The following BARD1 variants were observed in gnomAD, a reference collection of about 807,000 sequenced individuals.
BARD1 encodes BRCA1 associated RING domain 1, also known as BRCA1-associated RING domain protein 1.
Under a neutral mutation model 77.0 loss-of-function variants are expected in BARD1, and 73 were observed. The ratio of observed to expected loss-of-function variants is 0.95; its 90% CI spans 0.79 to 1.15. BARD1 has a LOEUF of 1.15. BARD1 is among the 50% of genes most tolerant of loss of function. BARD1 has a pLI of 0.00. For missense variants in BARD1, 993 were observed against 938.8 expected, an observed-to-expected ratio of 1.06 and a Z score of -0.75; for synonymous variants, 384 against 338.0, an observed-to-expected ratio of 1.14 and a Z score of -1.49.
chr2:214,780,015 A>C (rs1694906110), intron 4 of BARD1, among the ~76,000 whole-genome samples: 1 of 152,214 alleles, frequency 6.6e-6, no homozygotes, highest in African/African-American at 2.4e-5. Flanking sequence ...ATGAACGTCA[A>C]TGAACAGGTC....
rs545780492 is a variant in BARD1, at chr2:214,740,281, G to T, written c.1903+4786C>A. Among the ~76,000 whole-genome samples, 3 of 152,098 alleles carry T rather than the reference G, an allele frequency of 2.0e-5. No homozygotes were observed. The South Asian group carries it at 6.2e-4, about 32-fold the overall frequency. ...AAAGACCTGTTGTATCAGATGGGAG[G>T]AATAAATACATGCAGGTTCTAATTT... On this transcript the variant is annotated intron_variant, in intron 9 of 10. Transcript: ENST00000260947.
intron 4 of BARD1, among the ~76,000 whole-genome samples, chr2:214,770,794 C>T (rs930094402): frequency 6.6e-6 from 1 of 152,136 alleles, no homozygotes; most frequent in Non-Finnish European, 1.5e-5. Context: ...CAAAGGAGTT[C>T]TGGGGAACTG....
chr2:214,733,920 A>T (rs780829489), intron 9 of BARD1, among the ~76,000 whole-genome samples: 16 of 152,210 alleles, frequency 1.1e-4, no homozygotes, highest in Non-Finnish European at 1.9e-4. Flanking sequence ...AAAAAGGTTA[A>T]TAGCTTATAC....
At chr2:214,809,302 T>C in intron 1 of BARD1, 110 bp downstream of exon 1, 1 of 1,485,630 alleles carries the variant, frequency 6.7e-7, no homozygotes, top group Non-Finnish European at 9.1e-7. Context: ...CCGACCCGAC[T>C]GCAGCGCGGG....
chr2:214,745,174 A>G lies in BARD1; in HGVS notation c.1811-15T>C. On this transcript the variant is annotated splice_polypyrimidine_tract_variant and intron_variant, in intron 8 of 10. Transcript: ENST00000260947. ...AACATGAGTTACTAAAATACAAAAAAAGCAGTAAGAGAAAGAAAGATACAA... is the reference window on the plus strand; with the variant it reads ...AACATGAGTTACTAAAATACAAAAAGAGCAGTAAGAGAAAGAAAGATACAA... The G allele has an allele frequency of 6.2e-7, 1 of 1,605,442 alleles. No individual in the cohort carries two copies. The highest frequency in any genetic ancestry group is 8.5e-7 in the Non-Finnish European group (1 of 1,172,204).
At chr2:214,771,532 A>G (rs1056106796) in intron 4 of BARD1, among the ~76,000 whole-genome samples, 2 of 152,060 alleles carry the variant, frequency 1.3e-5, no homozygotes, top group Admixed American at 6.6e-5. Flanking sequence ...GTTTGAGATC[A>G]GCCTAGCCAA....
intron 4 of BARD1, among the ~76,000 whole-genome samples, chr2:214,774,476 G>A (rs530059376): frequency 6.6e-6 from 1 of 152,280 alleles, no homozygotes; most frequent in South Asian, 2.1e-4. Context: ...CAGAACACTT[G>A]GGTGACTAGG....
intron 9 of BARD1, among the ~76,000 whole-genome samples, chr2:214,744,556 G>A (rs182372189): frequency 6.6e-6 from 1 of 152,102 alleles, no homozygotes; most frequent in South Asian, 2.1e-4. Context: ...TAGGAAAAAA[G>A]ACTTTAAAAC....
At position 214,744,153 on chromosome 2, in the gene BARD1, G is replaced by A. The variant is rs148073423; in HGVS notation, c.1903+914C>T. Among the ~76,000 whole-genome samples the A allele has an allele frequency of 7.8e-3, 1,195 of 152,244 alleles. 13 individuals carry two copies. The highest frequency in any genetic ancestry group is 0.013 in the Non-Finnish European group (889 of 68,014). On this transcript the variant is annotated intron_variant, in intron 9 of 10. Transcript: ENST00000260947. ...CATTTTAAGTCCCAAGAGAATCCAA[G>A]TAGAAATGTAAATGAGTGACAGCAG...
intron 6 of BARD1, among the ~76,000 whole-genome samples, chr2:214,760,964 C>G (rs549599357): frequency 6.6e-6 from 1 of 150,672 alleles, no homozygotes; most frequent in South Asian, 2.1e-4. Context: ...TTAGTAGAGA[C>G]GGGGTTTCAC....
Position 214,767,552 on chromosome 2 carries a change from C to A in BARD1, c.1498G>T (p.Asp500Tyr), listed in dbSNP as rs779468443. 2 of 1,614,000 alleles carry A rather than the reference C, an allele frequency of 1.2e-6. No homozygotes were observed. The highest frequency in any genetic ancestry group is 4.5e-5 in the East Asian group (2 of 44,868). The stretch of plus-strand genomic sequence containing the variant: ...TCCACATGCCCATTCTTGGCTGCAT[C>A]GTGAAGTGGTGAGTCATTTTGATAC... ...TGYQNDSPLH[D>Y]AAKNGHVDIV... is the part of the protein sequence containing the mutation. The change falls in exon 6 of 11, where the codon GAT becomes TAT. Residue 500 changes from aspartate to tyrosine, a missense_variant. Physicochemically the swap from Asp to Tyr is radical, Grantham distance 160 (BLOSUM62 -3). Coordinates refer to ENST00000260947, the MANE Select transcript of BARD1 (RefSeq NM_000465.4).
intron 1 of BARD1, among the ~76,000 whole-genome samples, chr2:214,806,691 T>C (rs1352180652): frequency 1.3e-5 from 2 of 151,982 alleles, no homozygotes; most frequent in African/African-American, 2.4e-5. Flanking sequence ...CTGGCCAACA[T>C]GATGAAACCC....
chr2:214,746,241 T>C lies in BARD1; in HGVS notation c.1678-387A>G, dbSNP rs930831980. 2.0e-5 allele frequency among the ~76,000 whole-genome samples: 3 copies of C among 152,326 alleles called. No homozygotes were observed. In the East Asian group the frequency reaches 5.8e-4, roughly 29 times the overall value. On this transcript the variant is annotated intron_variant, in intron 7 of 10. Transcript: ENST00000260947. The stretch of plus-strand genomic sequence containing the variant: ...GTCCCAATAGAGTTAAAATCAAACT[T>C]GTTTAGTTTAAACTGAGATTATCTG...
intron 6 of BARD1, among the ~76,000 whole-genome samples, chr2:214,753,423 T>C (rs1693548680): frequency 6.6e-6 from 1 of 152,168 alleles, no homozygotes; most frequent in African/African-American, 2.4e-5. Flanking sequence ...AATGAGCAAT[T>C]CTTTTATAGT....
At position 214,796,929 on chromosome 2, in the gene BARD1, T is replaced by C. The variant is rs10498022; in HGVS notation, c.215+132A>G. 44,220 of 771,342 alleles carry C rather than the reference T, an allele frequency of 0.057. 1,470 individuals carry two copies. The highest frequency in any genetic ancestry group is 0.1 in the Admixed American group (5,409 of 52,472). 47.8% of individuals were successfully genotyped at this position (771,342 alleles called of 1,614,324 possible). A position where few individuals can be genotyped will look rare whatever the true frequency, so the allele number is the denominator to read the frequency against. ...AGTTTTAAAGATCAAACTAAGATAA[T>C]GTACAATAGGTTACTTTGCAGACTT... On this transcript the variant is annotated intron_variant, in intron 2 of 10. Coordinates refer to ENST00000260947, the MANE Select transcript of BARD1 (RefSeq NM_000465.4).
At chr2:214,752,996 A>G (rs1204055261) in intron 6 of BARD1, among the ~76,000 whole-genome samples, 1 of 152,198 alleles carries the variant, frequency 6.6e-6, no homozygotes, top group Non-Finnish European at 1.5e-5. Context: ...CATAACAAAC[A>G]GTTTAATAAT....
In BARD1 at chr2:214,728,768, C is replaced by A. The variant is rs879253880; in HGVS notation, c.2242G>T (p.Glu748Ter). The change falls in exon 11 of 11, where the codon GAG becomes TAG. Residue 748 changes from glutamate to a stop codon, truncating the protein, a stop_gained. Coordinates refer to ENST00000260947, the MANE Select transcript of BARD1 (RefSeq NM_000465.4). LOFTEE classifies it high-confidence loss of function. ...IYEDLCNYHPERVRQGKVWKA... is the reference protein window; with the variant it reads ...IYEDLCNYHP ...CAGACTTTGCCCTGCCGAACCCTCTCTGGGTGATAATTACACAAATCTTCA... is the reference window on the plus strand; with the variant it reads ...CAGACTTTGCCCTGCCGAACCCTCTATGGGTGATAATTACACAAATCTTCA... 1.9e-6 allele frequency: 3 copies of A among 1,614,086 alleles called. No individual in the cohort carries two copies. The African/African-American group carries it at 4.0e-5, about 22-fold the overall frequency.
intron 3 of BARD1, among the ~76,000 whole-genome samples, chr2:214,792,084 G>A (rs1189679076): frequency 6.6e-6 from 1 of 151,618 alleles, no homozygotes; most frequent in Non-Finnish European, 1.5e-5. Context: ...GCTGAGGTGG[G>A]GGGAATCCCT....
chr2:214,745,772 T>C lies in BARD1; in HGVS notation c.1760A>G (p.Glu587Gly), dbSNP rs1422200312. The C allele has an allele frequency of 6.2e-7, 1 of 1,614,054 alleles. No individual in the cohort carries two copies. Among genetic ancestry groups the C allele is most frequent in the South Asian group, 1.1e-5 (1 of 91,076 alleles). The change falls in exon 8 of 11, where the codon GAG (glutamate) becomes GGG (glycine). Residue 587 changes from glutamate to glycine, a missense_variant. Glu to Gly is a moderately conservative substitution (Grantham distance 98). Coordinates refer to ENST00000260947, the MANE Select transcript of BARD1 (RefSeq NM_000465.4). ...LSSEQQKMLS[E>G]LAVILKAKKY... Reference sequence around the variant, plus strand: ...TTTAGCCTTAAGAATTACTGCAAGCTCACTGAGCATTTTCTGTTGTTCTGA... The same window carrying C: ...TTTAGCCTTAAGAATTACTGCAAGCCCACTGAGCATTTTCTGTTGTTCTGA...
Sources: gnomAD v4.1 joint callset for allele counts (sites outside exome capture counted in the v4.1 genomes callset) on GRCh38, gnomAD v4.1.1 for gene constraint, MANE v1.5 for transcripts, NCBI Gene and HGNC (gene_info 2026-07-23, HGNC 2026-07-21) for gene names.